Variants in SDK1 observed in about 807,000 individuals in gnomAD.
SDK1 encodes the protein protein sidekick-1.
A neutral mutation model predicts 245.5 loss-of-function variants in SDK1; 157 were observed. The observed-to-expected ratio is 0.64, with a 90% CI of 0.56 to 0.73. SDK1 has a LOEUF of 0.73. SDK1 is among the 30% of genes least tolerant of loss of function. SDK1 has a pLI of 0.00. For missense variants in SDK1, 3,583 were observed against 3,002.3 expected, an observed-to-expected ratio of 1.19 and a Z score of -4.52; for synonymous variants, 1,647 against 1,278.5, an observed-to-expected ratio of 1.29 and a Z score of -6.15.
chr7:4,220,388 G>C (rs973401880), intron 39 of SDK1, 118 bp downstream of exon 39: 1 of 1,128,698 alleles, frequency 8.9e-7, no homozygotes. Flanking sequence ...GCCAAGAGCT[G>C]GCATCAACTC....
intron 38 of SDK1, among the ~76,000 whole-genome samples, chr7:4,216,627 C>G (rs1012454609): frequency 3.3e-5 from 5 of 152,150 alleles, no homozygotes; most frequent in African/African-American, 1.2e-4. Context: ...ATTGTGATGA[C>G]AAAATATTTT....
At chr7:3,380,782 G>T (rs1027421489) in intron 1 of SDK1, among the ~76,000 whole-genome samples, 1 of 152,124 alleles carries the variant, frequency 6.6e-6, no homozygotes, top group African/African-American at 2.4e-5. Flanking sequence ...TGATTCAGGC[G>T]AAAGGGAAGG....
At chr7:3,342,064 T>C (rs940674538) in intron 1 of SDK1, among the ~76,000 whole-genome samples, 1 of 152,172 alleles carries the variant, frequency 6.6e-6, no homozygotes, top group Admixed American at 6.5e-5. Flanking sequence ...CACAGATCAA[T>C]GCGGTGGAAC....
chr7:3,688,111 T>C (rs919518233), intron 4 of SDK1, among the ~76,000 whole-genome samples: 1 of 152,252 alleles, frequency 6.6e-6, no homozygotes, highest in African/African-American at 2.4e-5. Flanking sequence ...GTGCTCAGTG[T>C]AGTAATGATA....
intron 5 of SDK1, among the ~76,000 whole-genome samples, chr7:3,863,730 T>G (rs1243019901): frequency 6.6e-6 from 1 of 152,220 alleles, no homozygotes; most frequent in Non-Finnish European, 1.5e-5. Context: ...GTGCAATGTC[T>G]TCAGGGTTCA....
At chr7:3,642,329 C>T (rs1210239546) in intron 4 of SDK1, among the ~76,000 whole-genome samples, 1 of 152,204 alleles carries the variant, frequency 6.6e-6, no homozygotes, top group Non-Finnish European at 1.5e-5. Context: ...CAGAATGTTG[C>T]ATGCCCTAAA....
At chr7:3,749,750 G>A (rs1235182700) in intron 4 of SDK1, among the ~76,000 whole-genome samples, 1 of 152,164 alleles carries the variant, frequency 6.6e-6, no homozygotes, top group Non-Finnish European at 1.5e-5. Context: ...CTCGTGGGCT[G>A]GCATTCTAGT....
intron 1 of SDK1, among the ~76,000 whole-genome samples, chr7:3,570,524 C>G (rs941324400): frequency 2.6e-5 from 4 of 152,186 alleles, no homozygotes; most frequent in Non-Finnish European, 5.9e-5. Context: ...TCCCCCAACT[C>G]TTCTCTGCAT....
At chr7:3,519,167 G>C (rs973310543) in intron 1 of SDK1, among the ~76,000 whole-genome samples, 9 of 152,056 alleles carry the variant, frequency 5.9e-5, no homozygotes, top group Non-Finnish European at 8.8e-5. Flanking sequence ...TAGGGAGAGA[G>C]TTGTTAAAGG....
At chr7:4,123,147 A>G (rs1208681375) in intron 25 of SDK1, among the ~76,000 whole-genome samples, 1 of 152,174 alleles carries the variant, frequency 6.6e-6, no homozygotes, top group Non-Finnish European at 1.5e-5. Flanking sequence ...TTGGGCACTC[A>G]CAGTTTCCCA....
At chr7:3,602,985 T>A (rs897003948) in intron 1 of SDK1, among the ~76,000 whole-genome samples, 1 of 152,218 alleles carries the variant, frequency 6.6e-6, no homozygotes, top group African/African-American at 2.4e-5. Flanking sequence ...ATCAGATAGT[T>A]GTAGATATAC....
chr7:3,735,358 T>C (rs1042991219), intron 4 of SDK1, among the ~76,000 whole-genome samples: 6 of 152,180 alleles, frequency 3.9e-5, no homozygotes, highest in African/African-American at 1.4e-4. Context: ...CAGCCATCAT[T>C]CTACTTTGTC....
At chr7:3,862,651 C>G (rs16870975) in intron 5 of SDK1, among the ~76,000 whole-genome samples, 14,402 of 152,142 alleles carry the variant, frequency 0.095, 2,128 homozygotes, top group African/African-American at 0.32. Flanking sequence ...ATTTTCACTT[C>G]AAATGTCAGG....
intron 32 of SDK1, among the ~76,000 whole-genome samples, chr7:4,172,878 C>G (rs1241044301): frequency 6.6e-6 from 1 of 152,216 alleles, no homozygotes; most frequent in Non-Finnish European, 1.5e-5. Context: ...TCATAATTTC[C>G]CTCCACTCAT....
chr7:4,242,241 A>G (rs1027628121), intron 43 of SDK1, among the ~76,000 whole-genome samples: 6 of 152,062 alleles, frequency 3.9e-5, no homozygotes, highest in African/African-American at 1.4e-4. Flanking sequence ...GGGCGTTCCT[A>G]GTTCATGGAG....
At chr7:3,389,812 A>C (rs1158386871) in intron 1 of SDK1, among the ~76,000 whole-genome samples, 2 of 152,166 alleles carry the variant, frequency 1.3e-5, no homozygotes, top group East Asian at 1.9e-4. Context: ...TGCTGTGGTA[A>C]CAAATATCTG....
At chr7:3,517,436 A>G (rs527853207) in intron 1 of SDK1, among the ~76,000 whole-genome samples, 3 of 152,172 alleles carry the variant, frequency 2.0e-5, no homozygotes, top group African/African-American at 7.2e-5. Flanking sequence ...TCATGGTTCT[A>G]CAGAACAGAA....
intron 1 of SDK1, among the ~76,000 whole-genome samples, chr7:3,541,409 G>A (rs1779050186): frequency 6.6e-6 from 1 of 152,184 alleles, no homozygotes; most frequent in Admixed American, 6.5e-5. Context: ...GGACTTCCAT[G>A]CCTCTATGCC....
intron 4 of SDK1, among the ~76,000 whole-genome samples, chr7:3,750,514 G>T (rs1040831965): frequency 6.6e-6 from 1 of 152,182 alleles, no homozygotes; most frequent in African/African-American, 2.4e-5. Context: ...TGCAGTGGGC[G>T]AGAGAGATTG....
Sources: gnomAD v4.1 joint callset for allele counts (sites outside exome capture counted in the v4.1 genomes callset) on GRCh38, gnomAD v4.1.1 for gene constraint, MANE v1.5 for transcripts, NCBI Gene and HGNC (gene_info 2026-07-23, HGNC 2026-07-21) for gene names.